MUC3A: variants seen among roughly 807,000 people sequenced by gnomAD.
MUC3A encodes the protein mucin 3A, cell surface associated, also known as mucin-3A.
In MUC3A, 109 loss-of-function variants were observed where a neutral mutation model predicts 109.0. The observed-to-expected ratio is 1.00, with a 90% CI of 0.86 to 1.17. The LOEUF is 1.17. Among genes scored for constraint, MUC3A ranks in the 50% most tolerant of loss-of-function variants. The pLI, the probability that MUC3A is intolerant of heterozygous loss-of-function variation, is 0.00. For missense variants in MUC3A, 3,537 were observed against 2,469.4 expected (o/e 1.43, Z -9.16); for synonymous variants, 1,398 against 981.4 (o/e 1.42, Z -7.93).
At position 100,960,038 on chromosome 7, in the gene MUC3A, T is replaced by G; in HGVS notation, c.8259T>G (p.Thr2753=). ...GCTCCTCTCTGACCACAGCTCTCAC[T>G]GAAATAACCCCCTTTTCTTATATTT... ...STSSSLTTAL[T]EITPFSYISL... The change falls in exon 2 of 12, where the codon ACT becomes ACG. Residue 2753 remains threonine, a synonymous_variant. Coordinates refer to ENST00000379458, the MANE Select transcript of MUC3A (RefSeq NM_005960.2). The G allele has an allele frequency of 6.6e-7, 1 of 1,509,500 alleles. No individual in the cohort carries two copies. Among genetic ancestry groups the G allele is most frequent in the Non-Finnish European group, 8.8e-7 (1 of 1,140,280 alleles). The allele number at this position is 1,509,500 out of a possible 1,614,324, so 93.5% of individuals were successfully genotyped here.
rs929931134 is a variant in MUC3A, at chr7:100,967,647, C to T, written c.*485C>T. The T allele has an allele frequency of 1.2e-4, 30 of 250,712 alleles. No individual in the cohort carries two copies. In the Admixed American group the frequency reaches 1.5e-3, roughly 12 times the overall value. The allele number at this position is 250,712 out of a possible 1,614,324, so 15.5% of individuals were successfully genotyped here. A position where few individuals can be genotyped will look rare whatever the true frequency, so the allele number is the denominator to read the frequency against. ...TTCTTACTTTGAACCTGGAGGCAGC[C>T]TGCAGCCCCATCCCATCTCCTGCCC... is the stretch of plus-strand genomic sequence containing the variant. On this transcript the variant is annotated 3_prime_UTR_variant, in exon 12 of 12. Coordinates refer to ENST00000379458, the MANE Select transcript of MUC3A (RefSeq NM_005960.2).
rs369729950 is a variant in MUC3A, at chr7:100,960,476, C to T, written c.8697C>T (p.Leu2899=). 6.8e-4 allele frequency: 1,082 copies of T among 1,598,606 alleles called. No individual in the cohort carries two copies. In the South Asian group the frequency reaches 8.3e-3, roughly 12 times the overall value. Residue 2899 remains leucine (L), a synonymous_variant, in exon 2 of 12, where the codon CTC becomes CTT. Coordinates refer to ENST00000379458, the MANE Select transcript of MUC3A (RefSeq NM_005960.2). ...IPLTMKPSSS[L]PTILRTSSKS... ...TCACCATGAAACCAAGCAGTAGCCT[C>T]CCGACCATCCTGAGGACTTCAAGCA...
Position 100,955,808 on chromosome 7 carries a change from A to T in MUC3A, c.4029A>T (p.Val1343=). 1 of 444,436 alleles carries T rather than the reference A, an allele frequency of 2.3e-6. No individual in the cohort carries two copies. The highest frequency in any genetic ancestry group is 3.9e-6 in the Non-Finnish European group (1 of 255,032). The allele number at this position is 444,436 out of a possible 1,614,324, so 27.5% of individuals were successfully genotyped here. The change falls in exon 2 of 12, where the codon GTA becomes GTT. Residue 1343 remains valine, a synonymous_variant. Transcript: ENST00000379458. ...SPTMEPPSTT[V]ATTGTGQTTF... Reference sequence around the variant, plus strand: ...CGATGGAACCACCTTCAACCACTGTAGCGACTACAGGCACAGGTCAGACCA... The same window carrying T: ...CGATGGAACCACCTTCAACCACTGTTGCGACTACAGGCACAGGTCAGACCA...
intron 8 of MUC3A, 143 bp from the exon 9 acceptor site, chr7:100,966,243 A>AGACCCGTCCGCGTG: frequency 2.4e-6 from 2 of 827,610 alleles, no homozygotes; most frequent in Non-Finnish European, 3.1e-6. Context: ...TCTAGGGTGG[A>AGACCCGTCCGCGTG]TTCCCAGCCC....
At chr7:100,962,813 CTT>C (rs1435636009) in intron 3 of MUC3A, among the ~76,000 whole-genome samples, 31,631 of 92,670 alleles carry the variant, frequency 0.34, 3,210 homozygotes, top group East Asian at 0.39. Context: ...CTCTCTCTCT[CTT>C]TCTTTCTTTC....
intron 1 of MUC3A, among the ~76,000 whole-genome samples, chr7:100,950,435 G>A (rs1312772749): frequency 8.1e-5 from 2 of 24,638 alleles, no homozygotes; most frequent in Non-Finnish European, 1.9e-4. Flanking sequence ...AGGCCACCCA[G>A]CCTACAGGCC....
Position 100,953,260 on chromosome 7 carries a change from C to G in MUC3A, c.1481C>G (p.Thr494Arg). ...CCATCTTCCCCCAGCATTCAGAATACAGAAACCTCATCCCTTGTCAGCATG... is the reference window on the plus strand; with the variant it reads ...CCATCTTCCCCCAGCATTCAGAATAGAGAAACCTCATCCCTTGTCAGCATG... ...VIPSSPSIQN[T>R]ETSSLVSMTS... The change falls in exon 2 of 12, where the codon ACA becomes AGA. Residue 494 changes from threonine to arginine, a missense_variant. Thr to Arg is a moderately conservative substitution (Grantham distance 71). Transcript: ENST00000379458. 1.8e-6 allele frequency: 1 copy of G among 544,554 alleles called. No homozygotes were observed. The highest frequency in any genetic ancestry group is 3.2e-6 in the Non-Finnish European group (1 of 310,688). 33.7% of individuals were successfully genotyped at this position (544,554 alleles called of 1,614,324 possible).
chr7:100,963,351 T>C, intron 4 of MUC3A, 85 bp downstream of exon 4: 1 of 1,096,804 alleles, frequency 9.1e-7, no homozygotes, highest in Non-Finnish European at 1.3e-6. Context: ...AATGGTGCGA[T>C]CTTGGGTCAC....
chr7:100,965,098 C>T lies in MUC3A; in HGVS notation c.9383-184C>T, dbSNP rs1039941561. The T allele has an allele frequency of 1.1e-5, 12 of 1,125,976 alleles. No homozygotes were observed. In the African/African-American group the frequency reaches 1.7e-4, roughly 16 times the overall value. 69.7% of individuals were successfully genotyped at this position (1,125,976 alleles called of 1,614,324 possible). On this transcript the variant is annotated intron_variant, in intron 6 of 11. Transcript: ENST00000379458. ...GGATGGCTGAAGACCTCGGATTATT[C>T]AGGGGAGATGAGGCAGGCAACAGGA...
At position 100,959,458 on chromosome 7, in the gene MUC3A, A is replaced by C. The variant is rs1792237763; in HGVS notation, c.7679A>C (p.Asn2560Thr). 1.3e-6 allele frequency: 2 copies of C among 1,565,922 alleles called. No homozygotes were observed. The highest frequency in any genetic ancestry group is 2.4e-5 in the South Asian group (2 of 83,244). The change falls in exon 2 of 12, where the codon AAC becomes ACC. Residue 2560 changes from asparagine to threonine, a missense_variant. Asn to Thr is a moderately conservative substitution (Grantham distance 65, BLOSUM62 0). Transcript: ENST00000379458. Reference protein sequence around the residue: ...TVRMTLRITENTPISSFSTSI... With the variant: ...TVRMTLRITETTPISSFSTSI... ...AGAATGACCCTCAGAATTACTGAGA[A>C]CACCCCAATCAGTTCCTTTAGCACA...
Position 100,954,197 on chromosome 7 carries a change from T to C in MUC3A, c.2418T>C (p.Ser806=), listed in dbSNP as rs886558325. ...CTACGTTGGGTACCATGGTAACTTCTACATCCATGATCTCATCTACTGTGA... is the reference window on the plus strand; with the variant it reads ...CTACGTTGGGTACCATGGTAACTTCCACATCCATGATCTCATCTACTGTGA... ...VPTTLGTMVT[S]TSMISSTVST... The change falls in exon 2 of 12, where the codon TCT becomes TCC. Residue 806 remains serine, a synonymous_variant. Coordinates refer to ENST00000379458, the MANE Select transcript of MUC3A (RefSeq NM_005960.2). 7.1e-4 allele frequency: 378 copies of C among 529,710 alleles called. 1 individual carries two copies. In the South Asian group the frequency reaches 0.013, roughly 18 times the overall value. The allele number at this position is 529,710 out of a possible 1,614,324, so 32.8% of individuals were successfully genotyped here.
In MUC3A at chr7:100,960,174, C is replaced by T; in HGVS notation, c.8395C>T (p.Pro2799Ser). The T allele has an allele frequency of 6.3e-7, 1 of 1,578,984 alleles. No individual in the cohort carries two copies. The highest frequency in any genetic ancestry group is 1.7e-5 in the Admixed American group (1 of 59,220). Reference protein sequence around the residue: ...MDPSTEATSPPTTPLTVFPFT... With the variant: ...MDPSTEATSPSTTPLTVFPFT... Reference sequence around the variant, plus strand: ...TCCCAGCACTGAAGCTACTTCTCCTCCCACCACCCCATTAACAGTCTTTCC... The same window carrying T: ...TCCCAGCACTGAAGCTACTTCTCCTTCCACCACCCCATTAACAGTCTTTCC... The change falls in exon 2 of 12, where the codon CCC becomes TCC. Residue 2799 changes from proline to serine, a missense_variant. Coordinates refer to ENST00000379458, the MANE Select transcript of MUC3A (RefSeq NM_005960.2).
rs1792419562 is a variant in MUC3A, at chr7:100,963,668, A to G, written c.9169-20A>G. On this transcript the variant is annotated intron_variant, in intron 4 of 11. Transcript: ENST00000379458. ...GGTCTGCAGGTTCGGACGTGAGCCC[A>G]GGGATCCTTGGTGTTTCAGATGCAG... 8 of 1,598,422 alleles carry G rather than the reference A, an allele frequency of 5.0e-6. No individual in the cohort carries two copies. In the Admixed American group the frequency reaches 1.3e-4, roughly 27 times the overall value.
At position 100,958,885 on chromosome 7, in the gene MUC3A, C is replaced by G. The variant is rs1341367165; in HGVS notation, c.7106C>G (p.Ser2369Ter). 34 of 1,594,582 alleles carry G rather than the reference C, an allele frequency of 2.1e-5. No homozygotes were observed. The East Asian group carries it at 7.6e-4, about 36-fold the overall frequency. The stretch of plus-strand genomic sequence containing the variant: ...TCGATCACCACCACCGAGACCACCT[C>G]ACACAGTACTCCCAGCTTCAGTTCT... The part of the protein sequence containing the change: ...TSSITTTETT[S>*]HSTPSFSSSI... Residue 2369 changes from serine (S) to a stop codon, truncating the protein, a stop_gained, in exon 2 of 12, where the codon TCA (serine) becomes TGA (stop). Coordinates refer to ENST00000379458, the MANE Select transcript of MUC3A (RefSeq NM_005960.2). LOFTEE classifies it high-confidence loss of function.
At position 100,960,602 on chromosome 7, in the gene MUC3A, C is replaced by A; in HGVS notation, c.8823C>A (p.Ile2941=). The A allele has an allele frequency of 6.3e-7, 1 of 1,598,658 alleles. No individual in the cohort carries two copies. Among genetic ancestry groups the A allele is most frequent in the Non-Finnish European group, 8.5e-7 (1 of 1,179,770 alleles). The change falls in exon 2 of 12, where the codon ATC becomes ATA. Residue 2941 remains isoleucine (I), a synonymous_variant. Transcript: ENST00000379458. ...TTACATCACGCAGGACAACTCGCAT[C>A]ACTTCTCAGATGACCACACAGTCCA... ...TTLTSRRTTR[I]TSQMTTQSTL...
At chr7:100,967,054 G>A (rs1792610376) in intron 11 of MUC3A, 67 bp from the exon 12 acceptor site, 2 of 1,598,488 alleles carry the variant, frequency 1.3e-6, no homozygotes, top group Non-Finnish European at 1.7e-6. Flanking sequence ...GCTCGGATCA[G>A]CAGTGACCTC....
rs1329358277 is a variant in MUC3A, at chr7:100,962,177, A to G, written c.9053-974A>G. 1.2e-4 allele frequency among the ~76,000 whole-genome samples: 5 copies of G among 42,782 alleles called. 2 individuals are homozygous for G. Among genetic ancestry groups the G allele is most frequent in the African/African-American group, 2.9e-4 (5 of 17,066 alleles). 28.1% of individuals were successfully genotyped at this position (42,782 alleles called of 152,430 possible). ...AACCCGGGAGGCGGAGCTTGCAGTG[A>G]GCCGAGATCCCGCCACTGCACTCCA... On this transcript the variant is annotated intron_variant, in intron 3 of 11. Transcript: ENST00000379458.
chr7:100,966,045 C>CCCCG, intron 8 of MUC3A, 179 bp downstream of exon 8: 1 of 830,696 alleles, frequency 1.2e-6, no homozygotes, highest in Non-Finnish European at 1.8e-6. Context: ...TGGAGCTCTG[C>CCCCG]TCCTTTGATG....
Position 100,966,418 on chromosome 7 carries a change from G to A in MUC3A, c.9644G>A (p.Gly3215Asp), listed in dbSNP as rs1792561342. The A allele has an allele frequency of 7.4e-7, 1 of 1,350,150 alleles. No homozygotes were observed. Among genetic ancestry groups the A allele is most frequent in the South Asian group, 2.4e-5 (1 of 40,916 alleles). The allele number at this position is 1,350,150 out of a possible 1,614,324, so 83.6% of individuals were successfully genotyped here. A position where few individuals can be genotyped will look rare whatever the true frequency, so the allele number is the denominator to read the frequency against. ...CYSTDTHWFS[G>D]PRCEVAVHWR... ...TCCACCGACACGCACTGGTTCTCTG[G>A]CCCGCGCTGCGAGGTGGCCGTCCAC... The change falls in exon 9 of 12, where the codon GGC becomes GAC. Residue 3215 changes from glycine (G) to aspartate (D), a missense_variant. Physicochemically the swap from Gly to Asp is moderately conservative, Grantham distance 94. Coordinates refer to ENST00000379458, the MANE Select transcript of MUC3A (RefSeq NM_005960.2).
Sources: gnomAD v4.1 joint callset for allele counts (sites outside exome capture counted in the v4.1 genomes callset) on GRCh38, gnomAD v4.1.1 for gene constraint, MANE v1.5 for transcripts, NCBI Gene and HGNC (gene_info 2026-07-23, HGNC 2026-07-21) for gene names.